PRKCA: variants seen among roughly 807,000 people sequenced by gnomAD.
PRKCA encodes the protein protein kinase C alpha, also known as protein kinase C alpha type.
PRKCA carries 27 observed loss-of-function variants against 87.0 expected under a neutral mutation model. The ratio of observed to expected loss-of-function variants is 0.31; its 90% CI spans 0.23 to 0.43. PRKCA has a LOEUF of 0.43. Ranked by LOEUF, PRKCA falls within the 20% of genes least tolerant of loss-of-function variation. The pLI is 1.00. For synonymous variants in PRKCA, 329 were observed against 311.1 expected (o/e 1.06, Z -0.61); for missense variants, 518 against 852.3 (o/e 0.61, Z 4.88).
intron 8 of PRKCA, among the ~76,000 whole-genome samples, chr17:66,698,074 A>G (rs1034969653): frequency 2.0e-5 from 3 of 152,264 alleles, no homozygotes; most frequent in African/African-American, 7.2e-5. Flanking sequence ...CTCATTATCC[A>G]TAGACAGGCT....
intron 2 of PRKCA, among the ~76,000 whole-genome samples, chr17:66,455,109 C>T (rs1266814344): frequency 6.6e-6 from 1 of 152,196 alleles, no homozygotes; most frequent in African/African-American, 2.4e-5. Context: ...TGAGGAATAT[C>T]TTTAAGTCCA....
rs1429935114 is a variant in PRKCA at position 66,421,433 on chromosome 17, T to G, written c.206-74768T>G. Among the ~76,000 whole-genome samples, 29 of 138,486 alleles carry G rather than the reference T, an allele frequency of 2.1e-4. No homozygotes were observed. The East Asian group carries it at 5.4e-3, about 26-fold the overall frequency. 90.9% of individuals were successfully genotyped at this position (138,486 alleles called of 152,430 possible). A position where few individuals can be genotyped will look rare whatever the true frequency, so the allele number is the denominator to read the frequency against. On this transcript the variant is annotated intron_variant, in intron 2 of 16. Coordinates refer to ENST00000413366, the MANE Select transcript of PRKCA (RefSeq NM_002737.3). ...AGAACTCAGCCACAGCCTCTGTTTT[T>G]TTTTTTTTTTTTTTTATAGCTCTAT...
At chr17:66,412,055 A>T (rs903176218) in intron 2 of PRKCA, among the ~76,000 whole-genome samples, 33 of 149,188 alleles carry the variant, frequency 2.2e-4, no homozygotes, top group African/African-American at 7.9e-4. Context: ...TTCATGGAAC[A>T]TCACTTTTAC....
chr17:66,375,235 GTAAGTAA>G (rs1201889489), intron 2 of PRKCA, among the ~76,000 whole-genome samples: 2 of 152,164 alleles, frequency 1.3e-5, no homozygotes, highest in African/African-American at 4.8e-5. Flanking sequence ...CAGTCCAGTT[GTAAGTAA>G]TAAGTGATCG....
intron 13 of PRKCA, among the ~76,000 whole-genome samples, chr17:66,766,519 C>T (rs1376672611): frequency 6.6e-6 from 1 of 152,160 alleles, no homozygotes; most frequent in Non-Finnish European, 1.5e-5. Flanking sequence ...ATACACACAG[C>T]AACACTGTTG....
chr17:66,385,384 G>A (rs1910002094), intron 2 of PRKCA, among the ~76,000 whole-genome samples: 3 of 152,170 alleles, frequency 2.0e-5, no homozygotes, highest in Non-Finnish European at 4.4e-5. Context: ...TTAATCAGTA[G>A]CCTGGTATTA....
At chr17:66,498,608 A>G (rs1916586699) in intron 3 of PRKCA, among the ~76,000 whole-genome samples, 1 of 152,226 alleles carries the variant, frequency 6.6e-6, no homozygotes, top group South Asian at 2.1e-4. Flanking sequence ...CTTCCTGGAC[A>G]TTCTGCTGTG....
chr17:66,532,078 C>T (rs1967561843), intron 3 of PRKCA, among the ~76,000 whole-genome samples: 1 of 151,904 alleles, frequency 6.6e-6, no homozygotes, highest in African/African-American at 2.4e-5. Context: ...GGTGAATTTC[C>T]AAGAGGGAAC....
At chr17:66,322,470 A>C (rs1905728268) in intron 2 of PRKCA, among the ~76,000 whole-genome samples, 1 of 151,930 alleles carries the variant, frequency 6.6e-6, no homozygotes, top group Non-Finnish European at 1.5e-5. Context: ...AAATTCTTTA[A>C]ATTTTTTAAA....
chr17:66,768,318 C>G (rs2099421126), intron 13 of PRKCA, among the ~76,000 whole-genome samples: 1 of 150,736 alleles, frequency 6.6e-6, no homozygotes, highest in South Asian at 2.1e-4. Context: ...AATTCCTGGA[C>G]TCAAGTGATC....
intron 2 of PRKCA, among the ~76,000 whole-genome samples, chr17:66,323,475 A>G (rs1402195216): frequency 1.3e-5 from 2 of 152,244 alleles, no homozygotes; most frequent in Non-Finnish European, 2.9e-5. Context: ...TGCTGTATCT[A>G]AAATGCAACA....
At chr17:66,764,568 AGCAGTTG>A (rs1386621314) in intron 13 of PRKCA, among the ~76,000 whole-genome samples, 1 of 152,230 alleles carries the variant, frequency 6.6e-6, no homozygotes, top group African/African-American at 2.4e-5. Context: ...CATTCCCCCA[AGCAGTTG>A]GCTCTTGTAA....
rs1329029395 is a variant in PRKCA, at chr17:66,810,650, A to G, written c.*6613A>G. On this transcript the variant is annotated 3_prime_UTR_variant, in exon 17 of 17. Coordinates refer to ENST00000413366, the MANE Select transcript of PRKCA (RefSeq NM_002737.3). ...TGCATTGCTTTTTTTTTCAGTTTGT[A>G]TAACCTCTAATCTCCGTTTGCATGA... is the stretch of plus-strand genomic sequence containing the variant. 6.6e-6 allele frequency: 1 copy of G among 152,068 alleles called. No individual in the cohort carries two copies. Among genetic ancestry groups the G allele is most frequent in the Admixed American group, 6.6e-5 (1 of 15,260 alleles). 9.4% of individuals were successfully genotyped at this position (152,068 alleles called of 1,614,324 possible).
intron 2 of PRKCA, among the ~76,000 whole-genome samples, chr17:66,421,212 C>T (rs1912471738): frequency 6.6e-6 from 1 of 152,160 alleles, no homozygotes; most frequent in South Asian, 2.1e-4. Flanking sequence ...ATAAGTGAAA[C>T]TAAAGGATTT....
chr17:66,397,384 C>G (rs1484025430), intron 2 of PRKCA, among the ~76,000 whole-genome samples: 1 of 150,002 alleles, frequency 6.7e-6, no homozygotes, highest in Non-Finnish European at 1.5e-5. Flanking sequence ...TGCCTTTTGC[C>G]CCACAGTCTA....
chr17:66,499,420 G>A (rs1477992665), intron 3 of PRKCA, among the ~76,000 whole-genome samples: 2 of 152,186 alleles, frequency 1.3e-5, no homozygotes, highest in African/African-American at 4.8e-5. Context: ...CTACGTTGCT[G>A]AAACTGCGTA....
At chr17:66,332,902 A>G (rs1248827714) in intron 2 of PRKCA, among the ~76,000 whole-genome samples, 1 of 152,180 alleles carries the variant, frequency 6.6e-6, no homozygotes, top group Non-Finnish European at 1.5e-5. Flanking sequence ...CATGTTAGCC[A>G]GGATGGTCTC....
intron 8 of PRKCA, among the ~76,000 whole-genome samples, chr17:66,704,879 T>A (rs528755714): frequency 8.5e-5 from 13 of 152,222 alleles, no homozygotes; most frequent in Non-Finnish European, 1.9e-4. Context: ...TTTATCAGAA[T>A]TAGATTTTCC....
intron 2 of PRKCA, among the ~76,000 whole-genome samples, chr17:66,470,474 C>T (rs1250718478): frequency 2.6e-5 from 4 of 151,896 alleles, no homozygotes; most frequent in Non-Finnish European, 2.9e-5. Context: ...GTGATCCACC[C>T]GCCTCGGCCT....
Sources: allele counts gnomAD v4.1 joint callset (sites outside exome capture counted in the v4.1 genomes callset), GRCh38; gene constraint gnomAD v4.1.1; transcripts MANE v1.5; gene names NCBI Gene and HGNC (gene_info 2026-07-23, HGNC 2026-07-21).